Variants in FBXW12 observed in about 807,000 individuals in gnomAD.
FBXW12 encodes the protein F-box/WD repeat-containing protein 12.
FBXW12 carries 43 observed loss-of-function variants against 55.3 expected under a neutral mutation model. The observed-to-expected ratio is 0.78, with a 90% confidence interval of 0.61 to 1.00. FBXW12 has a LOEUF of 1.00. Among genes scored for constraint, FBXW12 ranks in the 50% least tolerant of loss-of-function variants. FBXW12 has a pLI of 0.00. For missense variants in FBXW12, 524 were observed against 560.5 expected, an observed-to-expected ratio of 0.93 and a Z score of 0.66; for synonymous variants, 184 against 203.8, an observed-to-expected ratio of 0.90 and a Z score of 0.83.
chr3:48,374,645 T>C (rs949206799), intron 4 of FBXW12, among the ~76,000 whole-genome samples: 2 of 152,134 alleles, frequency 1.3e-5, no homozygotes, highest in African/African-American at 2.4e-5. Flanking sequence ...TTAAATTTTT[T>C]TGTAGAGATT....
rs773074461 is a variant in FBXW12 at position 48,373,268 on chromosome 3, T to G, written c.91-40T>G. ...AGAGGATTACCCTTGCTCTCTGATG[T>G]AACTGATTGCCTGCTTGTCTCTTCC... On this transcript the variant is annotated intron_variant, in intron 2 of 10. Coordinates refer to ENST00000296438, the MANE Select transcript of FBXW12 (RefSeq NM_207102.2). 9 of 1,614,042 alleles carry G rather than the reference T, an allele frequency of 5.6e-6. No homozygotes were observed. In the African/African-American group the frequency reaches 1.2e-4, roughly 22 times the overall value.
intron 10 of FBXW12, among the ~76,000 whole-genome samples, chr3:48,392,450 C>CAAAAAAAAAAA (rs33965777): frequency 2.8e-5 from 2 of 72,678 alleles, no homozygotes; most frequent in Admixed American, 1.9e-4. Flanking sequence ...CACTCAGTCT[C>CAAAAAAAAAAA]AAAAAAAAAA....
Position 48,373,584 on chromosome 3 carries a change from C to T in FBXW12, c.165C>T (p.Phe55=), listed in dbSNP as rs1453529733. 6.2e-7 allele frequency: 1 copy of T among 1,614,112 alleles called. No homozygotes were observed. The highest frequency in any genetic ancestry group is 8.5e-7 in the Non-Finnish European group (1 of 1,180,012). Residue 55 remains phenylalanine, a synonymous_variant, in exon 4 of 11, where the codon TTC becomes TTT. Transcript: ENST00000296438. ...TGCAGAGATGGGACTGCAGCAACTT[C>T]ACCAATCAACACCTGGGCACACACA... ...LSLQRWDCSN[F]TNQHLGTHTW...
chr3:48,394,533 CTGA>C (rs756230347), intron 10 of FBXW12, 24 bp from the exon 11 acceptor site: 28 of 1,337,932 alleles, frequency 2.1e-5, no homozygotes, highest in Admixed American at 3.6e-5. Flanking sequence ...CTTTTGTTCA[CTGA>C]TGATCTTATT....
intron 7 of FBXW12, among the ~76,000 whole-genome samples, 159 bp from the exon 8 acceptor site, chr3:48,380,543 T>C (rs1413863576): frequency 1.3e-5 from 2 of 152,222 alleles, no homozygotes; most frequent in Non-Finnish European, 2.9e-5. Flanking sequence ...GTTCCTTTTA[T>C]GCTGGAGTGA....
intron 10 of FBXW12, among the ~76,000 whole-genome samples, chr3:48,394,123 C>G (rs1368048711): frequency 6.6e-6 from 1 of 151,920 alleles, no homozygotes; most frequent in Non-Finnish European, 1.5e-5. Flanking sequence ...TGGTGCGTGC[C>G]TGTAGTTCCA....
Position 48,372,822 on chromosome 3 carries a change from C to G in FBXW12, c.55C>G (p.Leu19Val). The G allele has an allele frequency of 6.2e-7, 1 of 1,614,188 alleles. No homozygotes were observed. The change falls in exon 2 of 11, where the codon CTG (leucine) becomes GTG (valine). Residue 19 changes from leucine to valine, a missense_variant. Physicochemically the swap from Leu to Val is conservative, Grantham distance 32. Coordinates refer to ENST00000296438, the MANE Select transcript of FBXW12 (RefSeq NM_207102.2). ...ALKRIFSFLD[L>V]FGLLQVSQVN... ...GAAGCGAATCTTCTCTTTCCTGGAC[C>G]TGTTCGGCTTGCTGCAGGTTTCCCA...
chr3:48,391,181 A>G (rs1041354866), intron 10 of FBXW12, among the ~76,000 whole-genome samples: 1 of 151,228 alleles, frequency 6.6e-6, no homozygotes, highest in Middle Eastern at 3.5e-3. Context: ...CTACACAAGA[A>G]GCTGAGATGT....
intron 5 of FBXW12, among the ~76,000 whole-genome samples, chr3:48,377,737 A>G (rs1172878541): frequency 6.6e-6 from 1 of 152,240 alleles, no homozygotes; most frequent in African/African-American, 2.4e-5. Flanking sequence ...GAGCACATGC[A>G]AAGGGGACTT....
At chr3:48,392,323 C>T (rs1382016004) in intron 10 of FBXW12, among the ~76,000 whole-genome samples, 2 of 151,912 alleles carry the variant, frequency 1.3e-5, no homozygotes, top group African/African-American at 4.8e-5. Flanking sequence ...TGGTGGCGGG[C>T]ATCTGTAGTC....
At chr3:48,387,420 G>A (rs9875280) in intron 10 of FBXW12, among the ~76,000 whole-genome samples, 90,424 of 150,660 alleles carry the variant, frequency 0.6, 27,218 homozygotes, top group African/African-American at 0.68. Context: ...TATTTTTTCA[G>A]AGAAACAGCT....
At chr3:48,373,238 A>C in intron 2 of FBXW12, 70 bp from the exon 3 acceptor site, 1 of 1,611,196 alleles carries the variant, frequency 6.2e-7, no homozygotes, top group Non-Finnish European at 8.5e-7. Context: ...AGAACAAATA[A>C]TAGCAGAGGA....
chr3:48,380,076 G>T (rs556819406), intron 7 of FBXW12: 1 of 153,558 alleles, frequency 6.5e-6, no homozygotes, highest in Non-Finnish European at 1.4e-5. Flanking sequence ...TAGTGGGAAT[G>T]CACCTGTGAA....
chr3:48,376,130 C>T lies in FBXW12; in HGVS notation c.405+658C>T, dbSNP rs567567575. Among the ~76,000 whole-genome samples the T allele has an allele frequency of 9.2e-5, 14 of 151,828 alleles. No individual in the cohort carries two copies. In the South Asian group the frequency reaches 1.9e-3, roughly 20 times the overall value. On this transcript the variant is annotated intron_variant, in intron 5 of 10. Transcript: ENST00000296438. ...CTGAGTAGCTGAGATTACAGGCGCG[C>T]GCCACGATGCCCAGCTAATTTTTGT...
At chr3:48,389,877 T>G (rs2036896664) in intron 10 of FBXW12, among the ~76,000 whole-genome samples, 1 of 152,204 alleles carries the variant, frequency 6.6e-6, no homozygotes, top group Non-Finnish European at 1.5e-5. Flanking sequence ...TTTTGGTGTA[T>G]GGTGAAAAGT....
At chr3:48,375,243 A>G (rs2107153187) in intron 4 of FBXW12, 111 bp from the exon 5 acceptor site, 2 of 730,364 alleles carry the variant, frequency 2.7e-6, no homozygotes, top group Non-Finnish European at 4.7e-6. Flanking sequence ...TCTTCTCCAT[A>G]TTGTTACCCA....
intron 10 of FBXW12, among the ~76,000 whole-genome samples, chr3:48,385,344 G>C (rs1297618213): frequency 1.1e-4 from 6 of 52,930 alleles, no homozygotes; most frequent in Non-Finnish European, 2.5e-4. Context: ...TCCATTGTGT[G>C]TGTGTGTGTG....
intron 5 of FBXW12, among the ~76,000 whole-genome samples, chr3:48,377,943 A>G (rs576154536): frequency 1.3e-5 from 2 of 152,200 alleles, no homozygotes; most frequent in Non-Finnish European, 2.9e-5. Flanking sequence ...TTGGGTTCCT[A>G]CTGTGTCCTA....
intron 10 of FBXW12, among the ~76,000 whole-genome samples, chr3:48,387,350 T>G (rs1457435040): frequency 6.6e-6 from 1 of 152,114 alleles, no homozygotes; most frequent in Non-Finnish European, 1.5e-5. Flanking sequence ...TGTGTTTTTT[T>G]GTTTTGGTTT....
Sources: gnomAD v4.1 joint callset for allele counts (sites outside exome capture counted in the v4.1 genomes callset) on GRCh38, gnomAD v4.1.1 for gene constraint, MANE v1.5 for transcripts, NCBI Gene and HGNC (gene_info 2026-07-23, HGNC 2026-07-21) for gene names.